XIRP2: variants seen among roughly 807,000 people sequenced by gnomAD.
The protein encoded by XIRP2 is xin actin binding repeat containing 2.
A neutral mutation model predicts 277.0 loss-of-function variants in XIRP2; 236 were observed. The observed-to-expected ratio is 0.85, with a 90% CI of 0.77 to 0.95. The LOEUF (loss-of-function observed/expected upper bound fraction) is 0.95, where lower values mean the gene tolerates loss of function less well. Among genes scored for constraint, XIRP2 ranks in the 40% least tolerant of loss-of-function variants. The pLI, the probability that XIRP2 is intolerant of heterozygous loss-of-function variation, is 0.00. For missense variants in XIRP2, 4,640 were observed against 4,157.5 expected, an observed-to-expected ratio of 1.12 and a Z score of -3.19; for synonymous variants, 1,490 against 1,416.5, an observed-to-expected ratio of 1.05 and a Z score of -1.17.
At chr2:167,230,666 C>T (rs2105416556) in intron 5 of XIRP2, among the ~76,000 whole-genome samples, 1 of 152,170 alleles carries the variant, frequency 6.6e-6, no homozygotes. Flanking sequence ...CTTCCCTAAA[C>T]CACTTTTACT....
chr2:166,899,956 C>T (rs886859128), intron 1 of XIRP2, among the ~76,000 whole-genome samples: 3 of 151,772 alleles, frequency 2.0e-5, no homozygotes, highest in Admixed American at 1.3e-4. Flanking sequence ...CTGGGAGTAG[C>T]GACTACCAGG....
At chr2:167,235,901 G>A (rs371189476) in intron 5 of XIRP2, among the ~76,000 whole-genome samples, 4 of 151,698 alleles carry the variant, frequency 2.6e-5, no homozygotes, top group Non-Finnish European at 5.9e-5. Flanking sequence ...CAATCACAAT[G>A]GTCACCCACA....
intron 2 of XIRP2, among the ~76,000 whole-genome samples, chr2:167,033,594 G>A (rs1252166322): frequency 6.6e-6 from 1 of 151,944 alleles, no homozygotes. Flanking sequence ...CCAAAGTCTA[G>A]TATGACAACA....
intron 2 of XIRP2, among the ~76,000 whole-genome samples, chr2:166,996,771 T>G (rs1638639393): frequency 6.6e-6 from 1 of 152,156 alleles, no homozygotes; most frequent in African/African-American, 2.4e-5. Context: ...TGAGCACCCC[T>G]TCTTACGACC....
chr2:167,171,626 G>A (rs73023913), intron 3 of XIRP2, among the ~76,000 whole-genome samples: 15,044 of 152,222 alleles, frequency 0.099, 801 homozygotes, highest in South Asian at 0.15. Context: ...ATATTAGTCT[G>A]CTTATTCTGT....
At chr2:167,006,870 C>T (rs1227887266) in intron 2 of XIRP2, among the ~76,000 whole-genome samples, 1 of 151,650 alleles carries the variant, frequency 6.6e-6, no homozygotes, top group Non-Finnish European at 1.5e-5. Flanking sequence ...CTCAAGGCCT[C>T]ATCTTTCCCA....
chr2:167,078,361 A>G (rs978667024), intron 2 of XIRP2, among the ~76,000 whole-genome samples: 1 of 152,202 alleles, frequency 6.6e-6, no homozygotes, highest in East Asian at 1.9e-4. Context: ...TTATCAGTTC[A>G]AGGACGCTTT....
At chr2:167,189,194 G>A (rs1024514615) in intron 3 of XIRP2, among the ~76,000 whole-genome samples, 2 of 152,042 alleles carry the variant, frequency 1.3e-5, no homozygotes, top group Non-Finnish European at 2.9e-5. Context: ...GTGGAGTTGG[G>A]CACTCCTGGT....
chr2:166,926,793 G>T (rs977555962), intron 2 of XIRP2, among the ~76,000 whole-genome samples: 1 of 152,026 alleles, frequency 6.6e-6, no homozygotes, highest in African/African-American at 2.4e-5. Context: ...CATCAGCCCC[G>T]AACAATGTTT....
At chr2:167,087,433 A>T (rs2105270610) in intron 2 of XIRP2, among the ~76,000 whole-genome samples, 2 of 152,280 alleles carry the variant, frequency 1.3e-5, no homozygotes, top group East Asian at 3.9e-4. Flanking sequence ...GAGCCTACAG[A>T]GGCAGGCAGG....
At chr2:166,984,417 TA>T (rs1686950302) in intron 2 of XIRP2, among the ~76,000 whole-genome samples, 2 of 152,166 alleles carry the variant, frequency 1.3e-5, no homozygotes, top group African/African-American at 2.4e-5. Context: ...TAAAATCAGT[TA>T]AAAAATGAAT....
chr2:167,008,772 G>A (rs989174470), intron 2 of XIRP2, among the ~76,000 whole-genome samples: 3 of 151,324 alleles, frequency 2.0e-5, no homozygotes, highest in Non-Finnish European at 4.4e-5. Flanking sequence ...TTTTAGCTGT[G>A]TTAATGTAAT....
intron 2 of XIRP2, among the ~76,000 whole-genome samples, chr2:167,000,808 G>T (rs1687346668): frequency 6.6e-6 from 1 of 151,998 alleles, no homozygotes; most frequent in Non-Finnish European, 1.5e-5. Context: ...TAATGTCTTT[G>T]ATAGTCTAGC....
intron 2 of XIRP2, among the ~76,000 whole-genome samples, chr2:167,130,851 A>G: frequency 6.6e-6 from 1 of 151,830 alleles, no homozygotes; most frequent in East Asian, 1.9e-4. Flanking sequence ...ATACTTTCTC[A>G]TTGCCCAAAC....
At chr2:167,041,395 G>C (rs1688658230) in intron 2 of XIRP2, among the ~76,000 whole-genome samples, 1 of 152,134 alleles carries the variant, frequency 6.6e-6, no homozygotes, top group Non-Finnish European at 1.5e-5. Context: ...ATTCAGGAGA[G>C]AGTTGAAACC....
chr2:167,159,606 C>G (rs1692304266), intron 3 of XIRP2, among the ~76,000 whole-genome samples: 1 of 152,068 alleles, frequency 6.6e-6, no homozygotes, highest in South Asian at 2.1e-4. Context: ...GGTCCCTTTT[C>G]TGACCATGAG....
At chr2:167,081,279 A>G (rs1689725064) in intron 2 of XIRP2, among the ~76,000 whole-genome samples, 1 of 152,132 alleles carries the variant, frequency 6.6e-6, no homozygotes, top group Non-Finnish European at 1.5e-5. Flanking sequence ...CAGCCTGGGC[A>G]ACACAGCAAG....
Position 167,246,867 on chromosome 2 carries a change from G to A in XIRP2, c.5475G>A (p.Gln1825=), listed in dbSNP as rs781000381. Residue 1825 remains glutamine (Q), a synonymous_variant, in exon 9 of 11, where the codon CAG becomes CAA. Coordinates refer to ENST00000409195, the MANE Select transcript of XIRP2 (RefSeq NM_152381.6). ...NTVKVFMTEP[Q]STFGKIPKEE... ...TTAAGGTTTTTATGACCGAGCCTCA[G>A]AGTACATTTGGTAAGATACCCAAAG... 8 of 1,613,770 alleles carry A rather than the reference G, an allele frequency of 5.0e-6. No homozygotes were observed. In the South Asian group the frequency reaches 8.8e-5, roughly 18 times the overall value.
intron 2 of XIRP2, among the ~76,000 whole-genome samples, chr2:166,966,541 A>G (rs1400132982): frequency 3.3e-5 from 5 of 151,922 alleles, no homozygotes; most frequent in Non-Finnish European, 7.4e-5. Context: ...CCAAAGATAC[A>G]TAAATATCCT....
Sources: gnomAD v4.1 joint callset for allele counts (sites outside exome capture counted in the v4.1 genomes callset) on GRCh38, gnomAD v4.1.1 for gene constraint, MANE v1.5 for transcripts, NCBI Gene and HGNC (gene_info 2026-07-23, HGNC 2026-07-21) for gene names.